The following ZNF317 variants were observed in gnomAD, a reference collection of about 807,000 sequenced individuals.
ZNF317 encodes zinc finger protein 317.
A neutral mutation model predicts 23.4 loss-of-function variants in ZNF317; 17 were observed. That is an observed-to-expected ratio of 0.73 (90% CI 0.50 to 1.09). ZNF317 has a LOEUF of 1.09. ZNF317 is among the 50% of genes least tolerant of loss of function. The probability of loss-of-function intolerance (pLI) is 0.00; values close to 1 mark genes in which losing one functional copy is unlikely to be tolerated. For missense variants in ZNF317, 679 were observed against 796.7 expected (o/e 0.85, Z 1.78); for synonymous variants, 317 against 314.9 (o/e 1.01, Z -0.07).
At chr19:9,157,879 AC>A in intron 4 of ZNF317, 100 bp from the exon 5 acceptor site, 1 of 1,425,114 alleles carries the variant, frequency 7.0e-7, no homozygotes, top group Non-Finnish European at 9.2e-7. Flanking sequence ...AGACTTGTCC[AC>A]CCTCAGAACA....
At chr19:9,153,535 A>C (rs1600227084) in intron 1 of ZNF317, among the ~76,000 whole-genome samples, 1 of 152,166 alleles carries the variant, frequency 6.6e-6, no homozygotes, top group South Asian at 2.1e-4. Context: ...TCGAGTTCCT[A>C]CTGGAACCTA....
In ZNF317 at chr19:9,163,177, C is replaced by T. The variant is rs2050878474; in HGVS notation, c.*1744C>T. On this transcript the variant is annotated 3_prime_UTR_variant, in exon 7 of 7. Transcript: ENST00000247956. ...GGATCGTTCTTAAACATGAATTCCT[C>T]CCTGTATGTTTTGTTCTTTGCTTTA... 1 of 152,180 alleles carries T rather than the reference C, an allele frequency of 6.6e-6. No homozygotes were observed. Among genetic ancestry groups the T allele is most frequent in the South Asian group, 2.1e-4 (1 of 4,832 alleles). The allele number at this position is 152,180 out of a possible 1,614,324, so 9.4% of individuals were successfully genotyped here.
At position 9,158,852 on chromosome 19, in the gene ZNF317, T is replaced by G; in HGVS notation, c.412T>G (p.Trp138Gly). ...TTGGGAGACTCCATCTAAAACCAAG[T>G]GGTCACTTCTTATGGAAGATATTTT... Reference protein sequence around the residue: ...ADWETPSKTKWSLLMEDIFGK... With the variant: ...ADWETPSKTKGSLLMEDIFGK... The change falls in exon 6 of 7, where the codon TGG becomes GGG. Residue 138 changes from tryptophan to glycine, a missense_variant. Coordinates refer to ENST00000247956, the MANE Select transcript of ZNF317 (RefSeq NM_020933.5). The G allele has an allele frequency of 1.1e-5, 17 of 1,612,512 alleles. No homozygotes were observed. The highest frequency in any genetic ancestry group is 1.4e-5 in the Non-Finnish European group (16 of 1,178,508).
At chr19:9,159,970 C>A (rs2050828783) in intron 6 of ZNF317, 144 bp from the exon 7 acceptor site, 2 of 1,186,670 alleles carry the variant, frequency 1.7e-6, no homozygotes, top group Non-Finnish European at 1.2e-6. Flanking sequence ...GGGGCAGGGA[C>A]AGCACGTTTG....
chr19:9,157,429 A>G (rs758979534), intron 4 of ZNF317, 35 bp downstream of exon 4: 32 of 1,612,542 alleles, frequency 2.0e-5, no homozygotes, highest in Non-Finnish European at 2.5e-5. Context: ...TTATTCATCC[A>G]TGAATTAGAT....
intron 1 of ZNF317, among the ~76,000 whole-genome samples, chr19:9,141,412 T>G (rs1464077436): frequency 1.3e-5 from 2 of 152,220 alleles, no homozygotes; most frequent in African/African-American, 4.8e-5. Flanking sequence ...CCACCAATAC[T>G]GTCTCCGTGG....
chr19:9,140,997 T>A (rs747573970), intron 1 of ZNF317, among the ~76,000 whole-genome samples: 7 of 152,200 alleles, frequency 4.6e-5, no homozygotes, highest in Non-Finnish European at 7.3e-5. Flanking sequence ...GGTGTTCTTA[T>A]TAGCACTTAC....
chr19:9,155,812 G>T (rs2050776476), intron 1 of ZNF317, 113 bp from the exon 2 acceptor site: 2 of 624,058 alleles, frequency 3.2e-6, no homozygotes, highest in Non-Finnish European at 2.9e-6. Flanking sequence ...GGATCAGGCA[G>T]ATCTTGCTGC....
At chr19:9,148,584 A>G (rs1023494402) in intron 1 of ZNF317, among the ~76,000 whole-genome samples, 1 of 151,222 alleles carries the variant, frequency 6.6e-6, no homozygotes, top group African/African-American at 2.4e-5. Flanking sequence ...TGGCTGTCTC[A>G]GTATGAAGGC....
At chr19:9,151,485 G>A (rs2050735581) in intron 1 of ZNF317, among the ~76,000 whole-genome samples, 1 of 152,086 alleles carries the variant, frequency 6.6e-6, no homozygotes, top group Non-Finnish European at 1.5e-5. Context: ...AGATGTTAAA[G>A]TAGCAGCGTC....
intron 2 of ZNF317, 145 bp downstream of exon 2, chr19:9,156,186 C>A: frequency 9.9e-7 from 1 of 1,008,564 alleles, no homozygotes; most frequent in South Asian, 1.4e-5. Flanking sequence ...GCCCCAGCAG[C>A]CACCCCAGTG....
In ZNF317 at chr19:9,158,962, G is replaced by A. The variant is rs2050818538; in HGVS notation, c.468+54G>A. Reference sequence around the variant, plus strand: ...CTTCCTTCCACGTCTGAGGAGACTGGGGCAGCCTAGGTTAGAAAAGCAGTT... The same window carrying A: ...CTTCCTTCCACGTCTGAGGAGACTGAGGCAGCCTAGGTTAGAAAAGCAGTT... On this transcript the variant is annotated intron_variant, in intron 6 of 6. Transcript: ENST00000247956. 5 of 1,273,346 alleles carry A rather than the reference G, an allele frequency of 3.9e-6. No homozygotes were observed. In the Admixed American group the frequency reaches 8.5e-5, roughly 22 times the overall value. 78.9% of individuals were successfully genotyped at this position (1,273,346 alleles called of 1,614,324 possible). A position where few individuals can be genotyped will look rare whatever the true frequency, so the allele number is the denominator to read the frequency against.
intron 1 of ZNF317, among the ~76,000 whole-genome samples, chr19:9,147,631 C>T (rs1349324170): frequency 6.6e-6 from 1 of 152,212 alleles, no homozygotes; most frequent in East Asian, 1.9e-4. Context: ...GCCACCACGC[C>T]CGGCTGATCC....
intron 5 of ZNF317, 44 bp from the exon 6 acceptor site, chr19:9,158,782 C>T (rs1392067844): frequency 7.8e-7 from 1 of 1,274,214 alleles, no homozygotes; most frequent in Admixed American, 1.7e-5. Flanking sequence ...ATCATCCCAC[C>T]ATTTTCCTTT....
At chr19:9,153,238 C>T (rs2050751902) in intron 1 of ZNF317, among the ~76,000 whole-genome samples, 1 of 152,070 alleles carries the variant, frequency 6.6e-6, no homozygotes, top group African/African-American at 2.4e-5. Context: ...CTCAGCTTAC[C>T]TCAACCTCCG....
intron 1 of ZNF317, among the ~76,000 whole-genome samples, chr19:9,143,578 C>A (rs1219606962): frequency 6.6e-6 from 1 of 151,538 alleles, no homozygotes; most frequent in East Asian, 1.9e-4. Context: ...TCATTGTTTG[C>A]CAACTGCATT....
intron 1 of ZNF317, among the ~76,000 whole-genome samples, chr19:9,145,982 AATT>A (rs138875341): frequency 2.0e-5 from 3 of 151,518 alleles, no homozygotes; most frequent in Admixed American, 6.6e-5. Context: ...TTAAGAAACA[AATT>A]ATTATTATTA....
intron 1 of ZNF317, among the ~76,000 whole-genome samples, chr19:9,153,613 G>A (rs1307674748): frequency 2.0e-5 from 3 of 152,204 alleles, no homozygotes; most frequent in African/African-American, 4.8e-5. Flanking sequence ...TGAGGCATGC[G>A]AAGGAATGGG....
chr19:9,148,049 C>T (rs1375570275), intron 1 of ZNF317, among the ~76,000 whole-genome samples: 2 of 152,154 alleles, frequency 1.3e-5, no homozygotes, highest in Non-Finnish European at 2.9e-5. Flanking sequence ...GCTCCTGCTT[C>T]ACCATATGCT....
Sources: allele counts gnomAD v4.1 joint callset (sites outside exome capture counted in the v4.1 genomes callset), GRCh38; gene constraint gnomAD v4.1.1; transcripts MANE v1.5; gene names NCBI Gene and HGNC (gene_info 2026-07-23, HGNC 2026-07-21).